The following ANK3 variants were observed in gnomAD, a reference collection of about 807,000 sequenced individuals.
ANK3 encodes ankyrin-3.
ANK3 carries 57 observed loss-of-function variants against 370.9 expected under a neutral mutation model. The ratio of observed to expected loss-of-function variants is 0.15; its 90% CI spans 0.12 to 0.19. The LOEUF (loss-of-function observed/expected upper bound fraction) is 0.19, where lower values mean the gene tolerates loss of function less well. Ranked by LOEUF, ANK3 falls within the 10% of genes least tolerant of loss-of-function variation. The pLI is 1.00. For missense variants in ANK3, 4,439 were observed against 5,302.1 expected (o/e 0.84, Z 5.06); for synonymous variants, 1,929 against 1,946.3 (o/e 0.99, Z 0.23).
intron 28 of ANK3, among the ~76,000 whole-genome samples, chr10:60,095,343 T>A (rs1352137015): frequency 6.6e-6 from 1 of 152,246 alleles, no homozygotes; most frequent in Non-Finnish European, 1.5e-5. Flanking sequence ...CTATAAAATA[T>A]ACGTACTAGT....
chr10:60,600,254 A>C (rs2078042315), intron 2 of ANK3, among the ~76,000 whole-genome samples: 1 of 152,164 alleles, frequency 6.6e-6, no homozygotes, highest in Non-Finnish European at 1.5e-5. Flanking sequence ...AATTTAATCA[A>C]CATTTGTTTA....
chr10:60,069,345 C>A lies in ANK3; in HGVS notation c.11536G>T (p.Val3846Phe). The change falls in exon 37 of 44, where the codon GTT (valine) becomes TTT (phenylalanine). Residue 3846 changes from valine (V) to phenylalanine (F), a missense_variant. Physicochemically the swap from Val to Phe is conservative, Grantham distance 50. Coordinates refer to ENST00000280772, the MANE Select transcript of ANK3 (RefSeq NM_020987.5). ...TTTGTTTTTTGCTGTTCTCCAAGAACTTTCTGCTTATCTCTTACACAGTGT... is the reference window on the plus strand; with the variant it reads ...TTTGTTTTTTGCTGTTCTCCAAGAAATTTCTGCTTATCTCTTACACAGTGT... ...QGHCVRDKQK[V>F]LGEQQKTKEL... The A allele has an allele frequency of 6.2e-7, 1 of 1,614,078 alleles. No homozygotes were observed. Among genetic ancestry groups the A allele is most frequent in the Non-Finnish European group, 8.5e-7 (1 of 1,180,006 alleles).
intron 2 of ANK3, among the ~76,000 whole-genome samples, chr10:60,497,465 A>T (rs1055904540): frequency 3.3e-5 from 5 of 152,220 alleles, no homozygotes; most frequent in African/African-American, 1.2e-4. Flanking sequence ...CCAGGCAGTC[A>T]TGTATTCACA....
rs181854612 is a variant in ANK3, at chr10:60,619,072, G to T, written c.58-3848C>A. Reference sequence around the variant, plus strand: ...GTTAGTTCTGCCCTCTTCTGGAAGAGCTCCTTCACCCCCAGGCTTTCTCCC... The same window carrying T: ...GTTAGTTCTGCCCTCTTCTGGAAGATCTCCTTCACCCCCAGGCTTTCTCCC... On this transcript the variant is annotated intron_variant, in intron 1 of 43. Transcript: ENST00000373827. Among the ~76,000 whole-genome samples, 55 of 152,072 alleles carry T rather than the reference G, an allele frequency of 3.6e-4. 1 individual carries two copies. In the Middle Eastern group the frequency reaches 0.024, roughly 66 times the overall value.
At chr10:60,196,098 G>C in intron 16 of ANK3, 47 bp downstream of exon 16, 1 of 1,528,532 alleles carries the variant, frequency 6.5e-7, no homozygotes, top group Admixed American at 1.7e-5. Context: ...GATAGAGACT[G>C]ATAGACCTTA....
intron 1 of ANK3, among the ~76,000 whole-genome samples, chr10:60,645,204 AT>A (rs1191499232): frequency 6.6e-6 from 1 of 152,082 alleles, no homozygotes; most frequent in Non-Finnish European, 1.5e-5. Flanking sequence ...TTTGTCCACA[AT>A]TTTCTGTAGG....
intron 28 of ANK3, among the ~76,000 whole-genome samples, chr10:60,096,006 T>C (rs1027143328): frequency 7.9e-5 from 12 of 152,072 alleles, no homozygotes; most frequent in Admixed American, 7.9e-4. Flanking sequence ...AAACCCTGTC[T>C]CTACTAAAAA....
At chr10:60,633,645 TAA>T (rs1448436884) in intron 1 of ANK3, among the ~76,000 whole-genome samples, 1 of 152,130 alleles carries the variant, frequency 6.6e-6, no homozygotes, top group Non-Finnish European at 1.5e-5. Context: ...ACAAGGATTT[TAA>T]AAAAATAGAG....
intron 2 of ANK3, among the ~76,000 whole-genome samples, chr10:60,600,414 G>A (rs2078045070): frequency 6.6e-6 from 1 of 152,070 alleles, no homozygotes; most frequent in South Asian, 2.1e-4. Context: ...CATCTCCTGA[G>A]GACTTCCATG....
At chr10:60,726,353 T>C (rs752580767) in intron 1 of ANK3, among the ~76,000 whole-genome samples, 2 of 152,218 alleles carry the variant, frequency 1.3e-5, no homozygotes, top group Non-Finnish European at 2.9e-5. Context: ...TCAAAGTTAT[T>C]TGTAGCAGTG....
At chr10:60,129,319 C>T (rs768458463) in intron 25 of ANK3, among the ~76,000 whole-genome samples, 3 of 152,174 alleles carry the variant, frequency 2.0e-5, no homozygotes, top group Non-Finnish European at 2.9e-5. Context: ...AAAAGAGCCA[C>T]AGGTAATTCC....
At chr10:60,612,738 G>A (rs781333685) in intron 2 of ANK3, among the ~76,000 whole-genome samples, 5 of 152,058 alleles carry the variant, frequency 3.3e-5, no homozygotes, top group African/African-American at 9.7e-5. Context: ...TGATCCACCC[G>A]CCTTGGCTCA....
chr10:60,109,828 T>G (rs1235886613), intron 26 of ANK3, among the ~76,000 whole-genome samples: 2 of 152,204 alleles, frequency 1.3e-5, no homozygotes, highest in African/African-American at 4.8e-5. Flanking sequence ...ATAAAGAAAT[T>G]AACTGTTATT....
At chr10:60,461,700 CG>C (rs1489725345) in intron 2 of ANK3, among the ~76,000 whole-genome samples, 1 of 152,094 alleles carries the variant, frequency 6.6e-6, no homozygotes, top group East Asian at 1.9e-4. Context: ...ATTATTTGAA[CG>C]GCTTAGTATC....
intron 25 of ANK3, among the ~76,000 whole-genome samples, chr10:60,125,275 A>T (rs1214655692): frequency 1.3e-5 from 2 of 152,218 alleles, no homozygotes; most frequent in Non-Finnish European, 2.9e-5. Context: ...ATTGATTTCA[A>T]GACAATCTGG....
At chr10:60,481,642 T>C (rs1026922840) in intron 2 of ANK3, among the ~76,000 whole-genome samples, 1 of 152,064 alleles carries the variant, frequency 6.6e-6, no homozygotes, top group Non-Finnish European at 1.5e-5. Context: ...TTTTATATTT[T>C]TAGTAGAGAT....
chr10:60,620,237 A>T (rs566361385), intron 1 of ANK3, among the ~76,000 whole-genome samples: 82 of 152,306 alleles, frequency 5.4e-4, no homozygotes, highest in African/African-American at 1.9e-3. Context: ...TGTATGATAA[A>T]AAAGAATTAT....
chr10:60,464,061 T>C (rs1024156909), intron 2 of ANK3, among the ~76,000 whole-genome samples: 3 of 152,180 alleles, frequency 2.0e-5, no homozygotes, highest in Admixed American at 1.3e-4. Flanking sequence ...GTATGAAACT[T>C]TGTGCCTTCT....
intron 1 of ANK3, among the ~76,000 whole-genome samples, chr10:60,732,595 G>A (rs984170932): frequency 6.6e-6 from 1 of 152,068 alleles, no homozygotes; most frequent in Non-Finnish European, 1.5e-5. Flanking sequence ...GCACTGCCAC[G>A]ATAGCCACCC....
Sources: gnomAD v4.1 joint callset for allele counts (sites outside exome capture counted in the v4.1 genomes callset) on GRCh38, gnomAD v4.1.1 for gene constraint, MANE v1.5 for transcripts, NCBI Gene and HGNC (gene_info 2026-07-23, HGNC 2026-07-21) for gene names.